The following EML6 variants were observed in gnomAD, a reference collection of about 807,000 sequenced individuals.
The protein encoded by EML6 is EMAP like 6, also known as echinoderm microtubule-associated protein-like 6.
EML6 carries 154 observed loss-of-function variants against 240.1 expected under a neutral mutation model. The ratio of observed to expected loss-of-function variants is 0.64; its 90% CI spans 0.56 to 0.73. EML6 has a LOEUF of 0.73. EML6 is among the 30% of genes least tolerant of loss of function. The pLI, the probability that EML6 is intolerant of heterozygous loss-of-function variation, is 0.00. For missense variants in EML6, 2,964 were observed against 2,474.6 expected (o/e 1.20, Z -4.20); for synonymous variants, 1,148 against 899.0 (o/e 1.28, Z -4.95).
chr2:54,848,702 G>A (rs1416849920), intron 9 of EML6, among the ~76,000 whole-genome samples: 2 of 152,060 alleles, frequency 1.3e-5, no homozygotes, highest in Admixed American at 6.6e-5. Context: ...ATCTTTACTG[G>A]CTCAGGGGAC....
chr2:54,876,149 A>T lies in EML6; in HGVS notation c.2345-3398A>T, dbSNP rs559242161. Among the ~76,000 whole-genome samples, 8 of 152,314 alleles carry T rather than the reference A, an allele frequency of 5.3e-5. 1 individual carries two copies. The highest frequency in any genetic ancestry group is 1.9e-4 in the African/African-American group (8 of 41,578). ...GATGGGAAAGGACATTACCTAAGAG[A>T]CTAAAAACATGGCTAAAAATAAAAA... is the stretch of plus-strand genomic sequence containing the variant. On this transcript the variant is annotated intron_variant, in intron 16 of 41. Transcript: ENST00000356458.
At chr2:54,823,389 G>C (rs1449742158) in intron 5 of EML6, among the ~76,000 whole-genome samples, 1 of 152,030 alleles carries the variant, frequency 6.6e-6, no homozygotes, top group Non-Finnish European at 1.5e-5. Flanking sequence ...TGGGGAGCTG[G>C]GTGGGTCCTT....
intron 8 of EML6, among the ~76,000 whole-genome samples, chr2:54,845,475 T>G (rs938262183): frequency 6.6e-6 from 1 of 152,254 alleles, no homozygotes; most frequent in East Asian, 1.9e-4. Context: ...CAGAATCTTA[T>G]TCCCTTTAAC....
At chr2:54,929,176 G>C (rs971540975) in intron 28 of EML6, among the ~76,000 whole-genome samples, 3 of 152,208 alleles carry the variant, frequency 2.0e-5, no homozygotes, top group African/African-American at 7.2e-5. Flanking sequence ...ATTCTAACCA[G>C]AATCTGTGCC....
At chr2:54,959,286 A>G in intron 34 of EML6, 25 bp downstream of exon 34, 1 of 1,491,622 alleles carries the variant, frequency 6.7e-7, no homozygotes, top group Non-Finnish European at 9.0e-7. Context: ...CTATGGAAAC[A>G]ACTTGTCGTT....
chr2:54,756,867 C>G (rs553460000), intron 2 of EML6, among the ~76,000 whole-genome samples: 18 of 151,804 alleles, frequency 1.2e-4, no homozygotes, highest in Non-Finnish European at 1.0e-4. Context: ...GTTTTCTTGC[C>G]TTCCTTTCCA....
intron 26 of EML6, among the ~76,000 whole-genome samples, chr2:54,927,613 G>C (rs915488122): frequency 9.9e-5 from 15 of 152,180 alleles, no homozygotes; most frequent in South Asian, 6.2e-4. Context: ...CACTTGTCAG[G>C]ACTGCCCTGG....
At chr2:54,840,016 A>G (rs1228504990) in intron 7 of EML6, among the ~76,000 whole-genome samples, 5 of 152,276 alleles carry the variant, frequency 3.3e-5, no homozygotes, top group East Asian at 1.9e-4. Flanking sequence ...AGGACAATAA[A>G]TACAGTAAAA....
intron 12 of EML6, among the ~76,000 whole-genome samples, chr2:54,860,532 C>T (rs1020743816): frequency 1.3e-5 from 2 of 152,134 alleles, no homozygotes; most frequent in African/African-American, 4.8e-5. Flanking sequence ...AAGAAACAGA[C>T]CTCTGAGCCT....
intron 22 of EML6, among the ~76,000 whole-genome samples, chr2:54,901,246 C>A (rs555101664): frequency 6.6e-6 from 1 of 152,210 alleles, no homozygotes; most frequent in Non-Finnish European, 1.5e-5. Context: ...TGCAGTGTGA[C>A]TGTGAGAACA....
At chr2:54,916,690 C>T (rs1673930866) in intron 25 of EML6, 69 bp from the exon 26 acceptor site, 1 of 1,285,504 alleles carries the variant, frequency 7.8e-7, no homozygotes, top group Non-Finnish European at 1.0e-6. Context: ...TACTCAGGTG[C>T]AAACTGTTTC....
At chr2:54,732,550 T>C (rs1250025632) in intron 2 of EML6, among the ~76,000 whole-genome samples, 2 of 152,222 alleles carry the variant, frequency 1.3e-5, no homozygotes, top group African/African-American at 4.8e-5. Flanking sequence ...TTGAAAAGAC[T>C]ACTTTTTCTC....
At chr2:54,861,575 T>C (rs543908487) in intron 12 of EML6, among the ~76,000 whole-genome samples, 1 of 152,164 alleles carries the variant, frequency 6.6e-6, no homozygotes, top group Non-Finnish European at 1.5e-5. Flanking sequence ...CAAAAGTGTC[T>C]TGATGTCTTC....
rs1023055604 is a variant in EML6 at position 54,800,061 on chromosome 2, A to G, written c.198-13171A>G. Among the ~76,000 whole-genome samples the G allele has an allele frequency of 3.3e-5, 5 of 152,144 alleles. No homozygotes were observed. In the South Asian group the frequency reaches 6.2e-4, roughly 19 times the overall value. On this transcript the variant is annotated intron_variant, in intron 2 of 41. Transcript: ENST00000356458. ...GGAGATTGAGACCATCCTGGCCAAC[A>G]TGGTGAAACCCCGTCTCTACTAAAA...
At chr2:54,821,032 A>G (rs1428868728) in intron 5 of EML6, among the ~76,000 whole-genome samples, 1 of 152,168 alleles carries the variant, frequency 6.6e-6, no homozygotes, top group South Asian at 2.1e-4. Context: ...CTGCATCAAC[A>G]TGCTTTGCTC....
intron 1 of EML6, among the ~76,000 whole-genome samples, 152 bp downstream of exon 1, chr2:54,723,929 G>A (rs1268754871): frequency 6.6e-6 from 1 of 152,220 alleles, no homozygotes; most frequent in Non-Finnish European, 1.5e-5. Flanking sequence ...CGGGACGTGT[G>A]CGTCTGTGGG....
intron 28 of EML6, among the ~76,000 whole-genome samples, chr2:54,942,905 G>A (rs1675500293): frequency 6.6e-6 from 1 of 151,882 alleles, no homozygotes; most frequent in Non-Finnish European, 1.5e-5. Flanking sequence ...CTCACTTTTT[G>A]TGCCTACCCA....
At chr2:54,808,323 C>T (rs1283365201) in intron 2 of EML6, among the ~76,000 whole-genome samples, 1 of 152,182 alleles carries the variant, frequency 6.6e-6, no homozygotes, top group East Asian at 1.9e-4. Context: ...GCCTTTTCTG[C>T]CTTGCAGATG....
At chr2:54,945,924 C>G (rs1477381637) in intron 28 of EML6, among the ~76,000 whole-genome samples, 2 of 152,218 alleles carry the variant, frequency 1.3e-5, no homozygotes, top group East Asian at 1.9e-4. Context: ...AATGTGCCAA[C>G]TGTTTCCACA....
Sources: allele counts gnomAD v4.1 joint callset (sites outside exome capture counted in the v4.1 genomes callset), GRCh38; gene constraint gnomAD v4.1.1; transcripts MANE v1.5; gene names NCBI Gene and HGNC (gene_info 2026-07-23, HGNC 2026-07-21).